Variants in AGBL4 observed in about 807,000 individuals in gnomAD.
AGBL4 encodes the protein AGBL carboxypeptidase 4, also known as cytosolic carboxypeptidase 6.
In AGBL4, 58 loss-of-function variants were observed where a neutral mutation model predicts 66.4. The observed-to-expected ratio is 0.87, with a 90% CI of 0.71 to 1.09. The LOEUF (loss-of-function observed/expected upper bound fraction) is 1.09. Among genes scored for constraint, AGBL4 ranks in the 50% least tolerant of loss-of-function variants. AGBL4 has a pLI of 0.00. For synonymous variants in AGBL4, 234 were observed against 222.9 expected, an observed-to-expected ratio of 1.05 and a Z score of -0.44; for missense variants, 579 against 631.0, an observed-to-expected ratio of 0.92 and a Z score of 0.88.
At chr1:49,528,723 G>A (rs1650863164) in intron 3 of AGBL4, among the ~76,000 whole-genome samples, 1 of 152,064 alleles carries the variant, frequency 6.6e-6, no homozygotes, top group Admixed American at 6.5e-5. Flanking sequence ...AGATGAGTGG[G>A]AGATTGGTGG....
Position 48,533,286 on chromosome 1 carries a change from C to A in AGBL4, c.*887G>T, listed in dbSNP as rs892987869. 7.9e-5 allele frequency: 12 copies of A among 152,184 alleles called. No individual in the cohort carries two copies. Among genetic ancestry groups the A allele is most frequent in the African/African-American group, 2.7e-4 (11 of 41,432 alleles). 9.4% of individuals were successfully genotyped at this position (152,184 alleles called of 1,614,324 possible). ...TCTTCACAAAAATGCCAATATTTAG[C>A]TTGCCACACCTTGGGAATTGCTACT... On this transcript the variant is annotated 3_prime_UTR_variant, in exon 14 of 14. Coordinates refer to ENST00000371839, the MANE Select transcript of AGBL4 (RefSeq NM_032785.4).
At chr1:49,549,704 T>C (rs1160627528) in intron 3 of AGBL4, among the ~76,000 whole-genome samples, 7 of 152,206 alleles carry the variant, frequency 4.6e-5, no homozygotes, top group African/African-American at 1.4e-4. Flanking sequence ...GCCTATAATA[T>C]GGTCTATCTT....
chr1:50,007,551 C>T (rs1661228157), intron 1 of AGBL4, among the ~76,000 whole-genome samples: 1 of 151,934 alleles, frequency 6.6e-6, no homozygotes, highest in African/African-American at 2.4e-5. Flanking sequence ...TTGGTTGAGC[C>T]CAGGAGTTCA....
intron 1 of AGBL4, among the ~76,000 whole-genome samples, chr1:49,852,578 GA>G (rs2148066073): frequency 6.6e-6 from 1 of 152,148 alleles, no homozygotes; most frequent in East Asian, 1.9e-4. Context: ...TCTCTTATGG[GA>G]AAAACAGCCT....
chr1:49,552,282 C>G (rs540212203), intron 3 of AGBL4, among the ~76,000 whole-genome samples: 66 of 152,176 alleles, frequency 4.3e-4, no homozygotes, highest in Non-Finnish European at 9.0e-4. Context: ...GGAGTCTGCA[C>G]ACTGGATTCA....
intron 9 of AGBL4, among the ~76,000 whole-genome samples, chr1:48,602,950 GAGACATAAGTGAA>G (rs1645096294): frequency 6.6e-6 from 1 of 152,178 alleles, no homozygotes; most frequent in South Asian, 2.1e-4. Context: ...GGTGCTGTAA[GAGACATAAGTGAA>G]GACTGGGTGA....
intron 6 of AGBL4, among the ~76,000 whole-genome samples, chr1:48,863,480 A>C (rs1647682669): frequency 6.6e-6 from 1 of 152,122 alleles, no homozygotes; most frequent in Non-Finnish European, 1.5e-5. Context: ...TATTTTAAAA[A>C]TTTAATTGTT....
chr1:49,907,818 G>T (rs886850754), intron 1 of AGBL4, among the ~76,000 whole-genome samples: 5 of 151,978 alleles, frequency 3.3e-5, no homozygotes, highest in African/African-American at 1.2e-4. Flanking sequence ...TGATAATAAT[G>T]TGTCAATGTA....
intron 6 of AGBL4, among the ~76,000 whole-genome samples, chr1:48,668,776 G>T (rs1184420380): frequency 6.6e-6 from 1 of 151,990 alleles, no homozygotes; most frequent in Non-Finnish European, 1.5e-5. Context: ...CTGTGTTGAT[G>T]AGACAGACAA....
chr1:49,715,984 T>G (rs1648098822), intron 2 of AGBL4, among the ~76,000 whole-genome samples: 1 of 152,180 alleles, frequency 6.6e-6, no homozygotes, highest in African/African-American at 2.4e-5. Context: ...TTTTGGCTTT[T>G]GTTGCCATTG....
At chr1:49,619,794 C>A (rs1350520092) in intron 3 of AGBL4, among the ~76,000 whole-genome samples, 2 of 152,092 alleles carry the variant, frequency 1.3e-5, no homozygotes, top group African/African-American at 4.8e-5. Context: ...TGGAACAGAA[C>A]AGAGGCCTCA....
chr1:48,966,051 C>T (rs1395398952), intron 5 of AGBL4, among the ~76,000 whole-genome samples: 3 of 152,130 alleles, frequency 2.0e-5, no homozygotes, highest in African/African-American at 4.8e-5. Context: ...CTCTCACCCT[C>T]ATTTTTCTTC....
At chr1:50,004,992 A>G (rs985939938) in intron 1 of AGBL4, among the ~76,000 whole-genome samples, 5 of 152,150 alleles carry the variant, frequency 3.3e-5, no homozygotes, top group Non-Finnish European at 5.9e-5. Context: ...GTAGAGCACA[A>G]GCAGATTCCT....
intron 1 of AGBL4, among the ~76,000 whole-genome samples, chr1:49,949,853 T>C (rs1200924676): frequency 6.6e-6 from 1 of 151,186 alleles, no homozygotes; most frequent in Non-Finnish European, 1.5e-5. Context: ...CACTACTGGG[T>C]ATCTACCCAG....
At chr1:49,873,152 T>C (rs529755237) in intron 1 of AGBL4, among the ~76,000 whole-genome samples, 1 of 152,116 alleles carries the variant, frequency 6.6e-6, no homozygotes, top group African/African-American at 2.4e-5. Flanking sequence ...CAGAGTAATA[T>C]GGCCTATATC....
chr1:49,831,209 T>C (rs1326663845), intron 2 of AGBL4, among the ~76,000 whole-genome samples: 1 of 152,176 alleles, frequency 6.6e-6, no homozygotes, highest in Non-Finnish European at 1.5e-5. Flanking sequence ...AGTATGGCCA[T>C]TTTCACAATA....
chr1:50,001,451 G>T (rs187509739), intron 1 of AGBL4, among the ~76,000 whole-genome samples: 1 of 150,844 alleles, frequency 6.6e-6, no homozygotes, highest in East Asian at 1.9e-4. Flanking sequence ...GTCTGTATAT[G>T]TGTGTGTGTC....
At chr1:49,933,541 C>T (rs984211078) in intron 1 of AGBL4, among the ~76,000 whole-genome samples, 1 of 151,998 alleles carries the variant, frequency 6.6e-6, no homozygotes, top group Non-Finnish European at 1.5e-5. Context: ...AATAACTTGT[C>T]ATTTCAGTGT....
chr1:49,271,693 T>C (rs1168834118), intron 3 of AGBL4, among the ~76,000 whole-genome samples: 1 of 152,132 alleles, frequency 6.6e-6, no homozygotes, highest in Non-Finnish European at 1.5e-5. Flanking sequence ...TATTCTACCA[T>C]TTACTTTTAT....
Sources: allele counts gnomAD v4.1 joint callset (sites outside exome capture counted in the v4.1 genomes callset), GRCh38; gene constraint gnomAD v4.1.1; transcripts MANE v1.5; gene names NCBI Gene and HGNC (gene_info 2026-07-23, HGNC 2026-07-21).